RSPH6A: variants seen among roughly 807,000 people sequenced by gnomAD.
RSPH6A encodes the protein radial spoke head protein 6 homolog A.
RSPH6A carries 49 observed loss-of-function variants against 66.1 expected under a neutral mutation model. The observed-to-expected ratio is 0.74, with a 90% confidence interval of 0.59 to 0.94. The LOEUF (loss-of-function observed/expected upper bound fraction) is 0.94. Ranked by LOEUF, RSPH6A falls within the 40% of genes least tolerant of loss-of-function variation. The probability of loss-of-function intolerance (pLI) is 0.00; values close to 1 mark genes in which losing one functional copy is unlikely to be tolerated. For missense variants in RSPH6A, 977 were observed against 948.3 expected (o/e 1.03, Z -0.40); for synonymous variants, 419 against 402.4 (o/e 1.04, Z -0.49).
At chr19:45,801,314 G>A (rs1970471480) in intron 4 of RSPH6A, among the ~76,000 whole-genome samples, 1 of 152,188 alleles carries the variant, frequency 6.6e-6, no homozygotes. Context: ...GTTGGTCATC[G>A]GTTTGGACCA....
At chr19:45,812,511 A>G (rs947659595) in intron 1 of RSPH6A, among the ~76,000 whole-genome samples, 4 of 152,036 alleles carry the variant, frequency 2.6e-5, no homozygotes, top group African/African-American at 9.7e-5. Context: ...GAAGTTGGGA[A>G]GGGTAAGAAG....
chr19:45,810,947 A>ACCTTTTCAGTTCCCT, intron 1 of RSPH6A, 107 bp from the exon 2 acceptor site: 4 of 789,338 alleles, frequency 5.1e-6, no homozygotes, highest in Non-Finnish European at 8.0e-6. Context: ...CACAGTAGGG[A>ACCTTTTCAGTTCCCT]ACTGAAAAGG....
Position 45,800,607 on chromosome 19 carries a change from G to T in RSPH6A, c.1799-44C>A, listed in dbSNP as rs370698099. On this transcript the variant is annotated intron_variant, in intron 4 of 5. Transcript: ENST00000221538. Reference sequence around the variant, plus strand: ...AGAGGGGGGCAGCAGGGTCAGGGAGGCCCCCAGGCCCTGCACTGCACCCTG... The same window carrying T: ...AGAGGGGGGCAGCAGGGTCAGGGAGTCCCCCAGGCCCTGCACTGCACCCTG... The T allele has an allele frequency of 1.0e-5, 16 of 1,524,238 alleles. No individual in the cohort carries two copies. In the African/African-American group the frequency reaches 2.2e-4, roughly 21 times the overall value. The allele number at this position is 1,524,238 out of a possible 1,614,324, so 94.4% of individuals were successfully genotyped here.
At position 45,815,148 on chromosome 19, in the gene RSPH6A, C is replaced by T. The variant is rs775123898; in HGVS notation, c.29G>A (p.Arg10His). MGDLPPYPE[R>H]PAQQPPGRRT... ...CCGGCCCGGAGGCTGCTGGGCAGGGCGCTCAGGGTAGGGCGGCAGGTCTCC... is the reference window on the plus strand; with the variant it reads ...CCGGCCCGGAGGCTGCTGGGCAGGGTGCTCAGGGTAGGGCGGCAGGTCTCC... Residue 10 changes from arginine (R) to histidine (H), a missense_variant, in exon 1 of 6, where the codon CGC becomes CAC. Coordinates refer to ENST00000221538, the MANE Select transcript of RSPH6A (RefSeq NM_030785.4). The T allele has an allele frequency of 2.5e-6, 4 of 1,609,150 alleles. No homozygotes were observed. Among genetic ancestry groups the T allele is most frequent in the Non-Finnish European group, 2.5e-6 (3 of 1,179,514 alleles).
Position 45,804,405 on chromosome 19 carries a change from G to C in RSPH6A, c.1500C>G (p.Tyr500Ter). ...AATQVSPLGF[Y>*]QFSEEEGDEE... is the part of the protein sequence containing the mutation. ...CGTCGCCCTCCTCCTCACTAAACTG[G>C]TAGAAGCCCAGCGGGCTGACCTGCG... Residue 500 changes from tyrosine (Y) to a stop codon, truncating the protein, a stop_gained, in exon 3 of 6, where the codon TAC becomes TAG. Transcript: ENST00000221538. LOFTEE classifies it high-confidence loss of function. This position sits in a 1 kb window ranked among gnomAD's most constrained non-coding sequence, Gnocchi z 5.8. The C allele has an allele frequency of 6.2e-7, 1 of 1,613,878 alleles. No homozygotes were observed. Among genetic ancestry groups the C allele is most frequent in the Non-Finnish European group, 8.5e-7 (1 of 1,179,970 alleles).
intron 4 of RSPH6A, 84 bp from the exon 5 acceptor site, chr19:45,800,647 G>T: frequency 8.3e-7 from 1 of 1,207,086 alleles, no homozygotes; most frequent in Non-Finnish European, 1.2e-6. Flanking sequence ...AAGGAAGGCA[G>T]CAGTGAGGGA....
rs781327425 is a variant in RSPH6A, at chr19:45,810,793, G to C, written c.698C>G (p.Pro233Arg). 1 of 1,613,686 alleles carries C rather than the reference G, an allele frequency of 6.2e-7. No individual in the cohort carries two copies. Among genetic ancestry groups the C allele is most frequent in the Non-Finnish European group, 8.5e-7 (1 of 1,179,702 alleles). The change falls in exon 2 of 6, where the codon CCT becomes CGT. Residue 233 changes from proline to arginine, a missense_variant. By Grantham distance (103) the Pro-to-Arg change is moderately radical (BLOSUM62 -2). Transcript: ENST00000221538. ...CTCCAGGACAGACAAGGGGTCCTCA[G>C]GCCGCTGGTTCAGGATCTTGGTCAG... ...NLLTKILNQR[P>R]EDPLSVLESL...
Position 45,814,425 on chromosome 19 carries a change from C to T in RSPH6A, c.650+102G>A, listed in dbSNP as rs373633421. 1.6e-5 allele frequency: 18 copies of T among 1,104,144 alleles called. No homozygotes were observed. In the African/African-American group the frequency reaches 2.4e-4, roughly 15 times the overall value. 68.4% of individuals were successfully genotyped at this position (1,104,144 alleles called of 1,614,324 possible). A position where few individuals can be genotyped will look rare whatever the true frequency, so the allele number is the denominator to read the frequency against. On this transcript the variant is annotated intron_variant, in intron 1 of 5. Transcript: ENST00000221538. ...AGCTGAATTAGAGTCACTGGTTTTCCATGAGGGATGATCCCTTGTCTGACT... is the reference window on the plus strand; with the variant it reads ...AGCTGAATTAGAGTCACTGGTTTTCTATGAGGGATGATCCCTTGTCTGACT...
Position 45,796,094 on chromosome 19 carries a change from G to T in RSPH6A, c.1929C>A (p.Asn643Lys). 4 of 1,555,780 alleles carry T rather than the reference G, an allele frequency of 2.6e-6. No individual in the cohort carries two copies. Among genetic ancestry groups the T allele is most frequent in the Non-Finnish European group, 3.5e-6 (4 of 1,145,594 alleles). Residue 643 changes from asparagine (N) to lysine (K), a missense_variant, in exon 6 of 6, where the codon AAC becomes AAA. Asn to Lys is a moderately conservative substitution (Grantham distance 94, BLOSUM62 0). Coordinates refer to ENST00000221538, the MANE Select transcript of RSPH6A (RefSeq NM_030785.4). ...YAYASGKKFE[N>K]IYIGWGHKYS... is the part of the protein sequence containing the mutation. ...ACTTGTGACCCCAGCCGATGTAGAT[G>T]TTCTCAAACTTTCTGGAGAAGCAGT...
intron 3 of RSPH6A, among the ~76,000 whole-genome samples, chr19:45,802,901 G>A (rs962463437): frequency 6.6e-6 from 1 of 150,794 alleles, no homozygotes; most frequent in African/African-American, 2.4e-5. Flanking sequence ...TCCGCCTCCT[G>A]GGTTCACGCC....
At chr19:45,803,586 G>A (rs1212312004) in intron 3 of RSPH6A, among the ~76,000 whole-genome samples, 1 of 151,094 alleles carries the variant, frequency 6.6e-6, no homozygotes, top group Non-Finnish European at 1.5e-5. Context: ...TGAGGTGGGA[G>A]AATTCGCTTG....
intron 5 of RSPH6A, 99 bp from the exon 6 acceptor site, chr19:45,796,205 G>A (rs549158583): frequency 7.3e-5 from 66 of 905,160 alleles, no homozygotes; most frequent in Admixed American, 5.2e-4. Context: ...CTGTTGCCTA[G>A]TGCAGTGGTG....
At chr19:45,798,796 G>C (rs1450547124) in intron 5 of RSPH6A, among the ~76,000 whole-genome samples, 1 of 149,832 alleles carries the variant, frequency 6.7e-6, no homozygotes, top group African/African-American at 2.5e-5. Flanking sequence ...CCGAGATCGC[G>C]CCACTGCACT....
In RSPH6A at chr19:45,810,933, G is replaced by T. The variant is rs1487084531; in HGVS notation, c.651-93C>A. On this transcript the variant is annotated intron_variant, in intron 1 of 5. Transcript: ENST00000221538. The stretch of plus-strand genomic sequence containing the variant: ...GTGCCTGGCCCTGTGCCTGGTGCTG[G>T]GGACACAGTAGGGAACTGAAAAGGT... 8 of 997,844 alleles carry T rather than the reference G, an allele frequency of 8.0e-6. 1 individual carries two copies. In the East Asian group the frequency reaches 1.8e-4, roughly 22 times the overall value. The allele number at this position is 997,844 out of a possible 1,614,324, so 61.8% of individuals were successfully genotyped here.
chr19:45,803,082 G>A (rs1244322194), intron 3 of RSPH6A, among the ~76,000 whole-genome samples: 7 of 151,488 alleles, frequency 4.6e-5, no homozygotes, highest in Admixed American at 6.6e-5. Context: ...GGTGGCGGGC[G>A]CCTGTAGTCC....
At position 45,800,428 on chromosome 19, in the gene RSPH6A, G is replaced by T; in HGVS notation, c.1916+18C>A. 6.2e-7 allele frequency: 1 copy of T among 1,603,864 alleles called. No homozygotes were observed. Among genetic ancestry groups the T allele is most frequent in the Non-Finnish European group, 8.5e-7 (1 of 1,172,408 alleles). On this transcript the variant is annotated intron_variant, in intron 5 of 5. Transcript: ENST00000221538. ...CCTGAGAGATTCTCCTGCTGGGAGG[G>T]GCTGGGGGAAGACCTACTTGCCACT...
chr19:45,810,372 A>G (rs1311620712), intron 2 of RSPH6A, among the ~76,000 whole-genome samples: 1 of 151,894 alleles, frequency 6.6e-6, no homozygotes, highest in Non-Finnish European at 1.5e-5. Flanking sequence ...GGGTTTCATC[A>G]TGTTAGCAAA....
chr19:45,798,851 A>AAT (rs1970436924), intron 5 of RSPH6A, among the ~76,000 whole-genome samples: 2 of 151,586 alleles, frequency 1.3e-5, no homozygotes, highest in Non-Finnish European at 2.9e-5. Flanking sequence ...AAAAAAAAAA[A>AAT]AGAAAGAAAA....
In RSPH6A at chr19:45,814,757, C is replaced by T; in HGVS notation, c.420G>A (p.Glu140=). ...LFQQLDPTFQ[E]PPVNPLGQFN... is the part of the protein sequence containing the mutation. ...ACTGGCCCAAGGGGTTGACTGGGGG[C>T]TCCTGGAAGGTGGGGTCCAGTTGCT... Residue 140 remains glutamate (E), a synonymous_variant, in exon 1 of 6, where the codon GAG becomes GAA. Coordinates refer to ENST00000221538, the MANE Select transcript of RSPH6A (RefSeq NM_030785.4). 6.2e-7 allele frequency: 1 copy of T among 1,613,766 alleles called. No individual in the cohort carries two copies. Among genetic ancestry groups the T allele is most frequent in the Non-Finnish European group, 8.5e-7 (1 of 1,179,840 alleles).
Sources: gnomAD v4.1 joint callset for allele counts (sites outside exome capture counted in the v4.1 genomes callset) on GRCh38, gnomAD v4.1.1 for gene constraint, Gnocchi (gnomAD v3.1) non-coding constraint, MANE v1.5 for transcripts, NCBI Gene and HGNC (gene_info 2026-07-23, HGNC 2026-07-21) for gene names.